Variants in CEP290 observed in about 807,000 individuals in gnomAD.
The protein encoded by CEP290 is centrosomal protein of 290 kDa.
Under a neutral mutation model 344.9 loss-of-function variants are expected in CEP290, and 317 were observed. That is an observed-to-expected ratio of 0.92 (90% CI 0.84 to 1.01). CEP290 has a LOEUF of 1.01. CEP290 is among the 50% of genes least tolerant of loss of function. CEP290 has a pLI of 0.00. For synonymous variants in CEP290, 932 were observed against 895.8 expected (o/e 1.04, Z -0.72); for missense variants, 2,754 against 2,761.4 (o/e 1.00, Z 0.06).
rs77623866 is a variant in CEP290, at chr12:88,129,992, T to C, written c.670-116A>G. 19,191 of 710,414 alleles carry C rather than the reference T, an allele frequency of 0.027. 1,199 individuals are homozygous for C. The highest frequency in any genetic ancestry group is 0.24 in the East Asian group (7,447 of 31,568). The allele number at this position is 710,414 out of a possible 1,614,324, so 44.0% of individuals were successfully genotyped here. A position where few individuals can be genotyped will look rare whatever the true frequency, so the allele number is the denominator to read the frequency against. On this transcript the variant is annotated intron_variant, in intron 9 of 53. Coordinates refer to ENST00000552810, the MANE Select transcript of CEP290 (RefSeq NM_025114.4). ...CTCTAGAAAAAAAGAGAATTCTTTATAGACCTTTACTAATTGGCATTGACC... is the reference window on the plus strand; with the variant it reads ...CTCTAGAAAAAAAGAGAATTCTTTACAGACCTTTACTAATTGGCATTGACC...
At chr12:88,059,164 C>T (rs1028740757) in intron 48 of CEP290, 144 bp from the exon 49 acceptor site, 7 of 630,506 alleles carry the variant, frequency 1.1e-5, no homozygotes, top group Admixed American at 3.4e-5. Context: ...ACAAATTCAA[C>T]ATCTCTCCTT....
chr12:88,128,120 G>C (rs2039843545), intron 11 of CEP290, among the ~76,000 whole-genome samples: 1 of 152,054 alleles, frequency 6.6e-6, no homozygotes, highest in Non-Finnish European at 1.5e-5. Context: ...ATTGTCAATG[G>C]CTGCTTTCAT....
intron 13 of CEP290, 117 bp downstream of exon 13, chr12:88,125,129 G>T: frequency 2.8e-6 from 1 of 353,802 alleles, no homozygotes; most frequent in Non-Finnish European, 4.9e-6. Context: ...ACAATTTTTT[G>T]AAAATATAAA....
At chr12:88,052,729 C>A (rs1198385002) in intron 52 of CEP290, among the ~76,000 whole-genome samples, 1 of 152,068 alleles carries the variant, frequency 6.6e-6, no homozygotes, top group Non-Finnish European at 1.5e-5. Flanking sequence ...GATAACTCAT[C>A]CTGGTAAATT....
At chr12:88,100,773 A>G (rs1368259291) in intron 26 of CEP290, among the ~76,000 whole-genome samples, 4 of 152,118 alleles carry the variant, frequency 2.6e-5, no homozygotes, top group Admixed American at 6.5e-5. Flanking sequence ...TATGCTTAAG[A>G]AAAAAAAGGT....
In CEP290 at chr12:88,087,719, CAAAAA is replaced by C; in HGVS notation, c.4194+56_4194+60del. 7.4e-4 allele frequency: 92 copies of C among 124,588 alleles called. No individual in the cohort carries two copies. In the Middle Eastern group the frequency reaches 8.0e-3, roughly 11 times the overall value. 7.7% of individuals were successfully genotyped at this position (124,588 alleles called of 1,614,324 possible). ...TGGGCGACAGAGTGAGACTCCATCT[CAAAAA>C]AAAAAAAAAAAAAAAAAAACTTAGG... On this transcript the variant is annotated intron_variant, in intron 32 of 53. Transcript: ENST00000552810.
intron 52 of CEP290, among the ~76,000 whole-genome samples, chr12:88,050,792 C>G (rs921719063): frequency 6.6e-6 from 1 of 152,118 alleles, no homozygotes; most frequent in Non-Finnish European, 1.5e-5. Context: ...GGGACTATAA[C>G]CATAAGCTAG....
rs369678673 is a variant in CEP290 at position 88,080,164 on chromosome 12, T to A, written c.5226+18A>T. The A allele has an allele frequency of 2.0e-6, 3 of 1,528,234 alleles. No individual in the cohort carries two copies. The South Asian group carries it at 3.6e-5, about 19-fold the overall frequency. 94.7% of individuals were successfully genotyped at this position (1,528,234 alleles called of 1,614,324 possible). ...ACATATTTTTCCTAAATGTTGATAA[T>A]TTTCTGTTGTTACTTACTTTCTGTT... On this transcript the variant is annotated intron_variant, in intron 38 of 53. Coordinates refer to ENST00000552810, the MANE Select transcript of CEP290 (RefSeq NM_025114.4).
Position 88,111,364 on chromosome 12 carries a change from A to G in CEP290, c.2218-13T>C, listed in dbSNP as rs780987235. ...CAAGATGGTCTATCTGGAAAAAAAA[A>G]TCCAGCAATGAGAATCACAACTCTT... On this transcript the variant is annotated splice_polypyrimidine_tract_variant and intron_variant, in intron 21 of 53. Transcript: ENST00000552810. The G allele has an allele frequency of 3.8e-6, 6 of 1,559,254 alleles. No homozygotes were observed. The highest frequency in any genetic ancestry group is 3.7e-5 in the South Asian group (3 of 81,668).
chr12:88,102,918 C>A lies in CEP290; in HGVS notation c.2911G>T (p.Glu971Ter), dbSNP rs780805963. 6.2e-7 allele frequency: 1 copy of A among 1,608,560 alleles called. No homozygotes were observed. Among genetic ancestry groups the A allele is most frequent in the Admixed American group, 1.7e-5 (1 of 59,262 alleles). Residue 971 changes from glutamate to a stop codon, truncating the protein, a stop_gained, in exon 26 of 54, where the codon GAA becomes TAA. Coordinates refer to ENST00000552810, the MANE Select transcript of CEP290 (RefSeq NM_025114.4). LOFTEE classifies it high-confidence loss of function. ...ELELANKQYN[E>*]LTAKYRDILQ... ...ATGTCCCTGTACTTAGCAGTCAGTTCATTGTACTGTTTATTAGCCAGTTCT... is the reference window on the plus strand; with the variant it reads ...ATGTCCCTGTACTTAGCAGTCAGTTAATTGTACTGTTTATTAGCCAGTTCT...
chr12:88,055,787 A>G (rs929677833), intron 49 of CEP290, 70 bp from the exon 50 acceptor site: 26 of 1,067,744 alleles, frequency 2.4e-5, no homozygotes, highest in Non-Finnish European at 3.3e-5. Context: ...AGTCAGTTCA[A>G]ATAACTGTAC....
chr12:88,052,190 G>T (rs2033608365), intron 52 of CEP290, among the ~76,000 whole-genome samples: 3 of 152,124 alleles, frequency 2.0e-5, no homozygotes. Flanking sequence ...AAAGCTACAA[G>T]AGATAGTCAA....
At chr12:88,118,802 G>A (rs2039231777) in intron 15 of CEP290, 59 bp from the exon 16 acceptor site, 1 of 1,188,574 alleles carries the variant, frequency 8.4e-7, no homozygotes, top group Non-Finnish European at 1.2e-6. Flanking sequence ...CTGCAAAAAT[G>A]TCATATACCA....
intron 27 of CEP290, among the ~76,000 whole-genome samples, chr12:88,096,070 C>A (rs551280216): frequency 6.7e-6 from 1 of 149,466 alleles, no homozygotes; most frequent in African/African-American, 2.5e-5. Flanking sequence ...TTTTTTGAGA[C>A]GGAGTCTCAC....
At position 88,139,083 on chromosome 12, in the gene CEP290, T is replaced by C. The variant is rs185429853; in HGVS notation, c.297+62A>G. The stretch of plus-strand genomic sequence containing the variant: ...TTCCAGCCAACAATAATTTTAAAAT[T>C]TGAAAACAATTCAAAATAAAATTAA... On this transcript the variant is annotated intron_variant, in intron 5 of 53. Transcript: ENST00000552810. 4.8e-3 allele frequency: 4,172 copies of C among 863,324 alleles called. 24 individuals are homozygous for C. Among genetic ancestry groups the C allele is most frequent in the Non-Finnish European group, 6.7e-3 (3,617 of 543,376 alleles). 53.5% of individuals were successfully genotyped at this position (863,324 alleles called of 1,614,324 possible). A position where few individuals can be genotyped will look rare whatever the true frequency, so the allele number is the denominator to read the frequency against.
intron 52 of CEP290, among the ~76,000 whole-genome samples, chr12:88,052,396 A>G (rs1002335171): frequency 6.4e-4 from 98 of 152,224 alleles, no homozygotes; most frequent in African/African-American, 2.2e-3. Context: ...GAATTATTAA[A>G]TGGATGAGAT....
intron 15 of CEP290, among the ~76,000 whole-genome samples, chr12:88,119,904 TC>T (rs2039299931): frequency 6.6e-6 from 1 of 152,234 alleles, no homozygotes; most frequent in Admixed American, 6.5e-5. Flanking sequence ...AAAGCAATGT[TC>T]CAGCCCTGCC....
rs527529973 is a variant in CEP290, at chr12:88,054,420, G to T, written c.6961-7C>A. 6.2e-7 allele frequency: 1 copy of T among 1,602,710 alleles called. No homozygotes were observed. Among genetic ancestry groups the T allele is most frequent in the South Asian group, 1.1e-5 (1 of 89,862 alleles). On this transcript the variant is annotated splice_region_variant and splice_polypyrimidine_tract_variant and intron_variant, in intron 50 of 53. Coordinates refer to ENST00000552810, the MANE Select transcript of CEP290 (RefSeq NM_025114.4). ...CATGTTTAAGAATCTTAATCTTTGA[G>T]GACAATGAAAAGTTAGAAGATAAGG...
At chr12:88,134,598 CTG>C (rs2040253459) in intron 6 of CEP290, among the ~76,000 whole-genome samples, 1 of 152,158 alleles carries the variant, frequency 6.6e-6, no homozygotes, top group African/African-American at 2.4e-5. Context: ...TTGAGTAAGA[CTG>C]TTTTCAAATC....
Sources: allele counts gnomAD v4.1 joint callset (sites outside exome capture counted in the v4.1 genomes callset), GRCh38; gene constraint gnomAD v4.1.1; transcripts MANE v1.5; gene names NCBI Gene and HGNC (gene_info 2026-07-23, HGNC 2026-07-21).